Variants in EARS2 observed in about 807,000 individuals in gnomAD.
EARS2 encodes glutamyl-tRNA synthetase 2, mitochondrial.
In EARS2, 50 loss-of-function variants were observed where a neutral mutation model predicts 54.1. That is an observed-to-expected ratio of 0.92 (90% CI 0.74 to 1.17). EARS2 has a LOEUF of 1.17. Ranked by LOEUF, EARS2 falls within the 50% of genes most tolerant of loss-of-function variation. The probability of loss-of-function intolerance (pLI) is 0.00; values close to 1 mark genes in which losing one functional copy is unlikely to be tolerated. For synonymous variants in EARS2, 298 were observed against 281.0 expected (o/e 1.06, Z -0.61); for missense variants, 673 against 675.0 (o/e 1.00, Z 0.03).
chr16:23,553,682 G>A (rs1383554698), intron 1 of EARS2, among the ~76,000 whole-genome samples: 3 of 151,930 alleles, frequency 2.0e-5, no homozygotes, highest in African/African-American at 7.3e-5. Context: ...ACAAAGTCAG[G>A]AGTTTGAGGC....
At chr16:23,546,311 A>C (rs1353802603) in intron 2 of EARS2, 5 of 439,564 alleles carry the variant, frequency 1.1e-5, no homozygotes, top group African/African-American at 2.0e-5. Flanking sequence ...TGGGAAGATA[A>C]GGACATTGTT....
At chr16:23,550,530 C>T (rs1034268266) in intron 2 of EARS2, among the ~76,000 whole-genome samples, 4 of 149,890 alleles carry the variant, frequency 2.7e-5, no homozygotes, top group Admixed American at 2.0e-4. Context: ...CTCCGCCTTC[C>T]GGGTTCACGC....
Position 23,529,744 on chromosome 16 carries a change from C to G in EARS2, c.1221G>C (p.Gln407His). 6.2e-7 allele frequency: 1 copy of G among 1,614,188 alleles called. No homozygotes were observed. The highest frequency in any genetic ancestry group is 8.5e-7 in the Non-Finnish European group (1 of 1,180,032). The change falls in exon 6 of 9, where the codon CAG (glutamine) becomes CAC (histidine). Residue 407 changes from glutamine (Q) to histidine (H), a missense_variant and splice_region_variant. Physicochemically the swap from Gln to His is conservative, Grantham distance 24 (BLOSUM62 0). Around this residue, in one of 3 missense-constraint regions of EARS2, gnomAD observed 338 missense variants for 361.2 expected, o/e 0.94. Transcript: ENST00000449606. ...GCTTCCCAGAATCCTGACACCACAC[C>G]TGTCTCAGCAGGAGGATCCTCTCCA... ...VYVERILLLR[Q>H]GHICRLQDLV...
chr16:23,554,386 C>A (rs1035245920), intron 1 of EARS2, among the ~76,000 whole-genome samples: 1 of 152,188 alleles, frequency 6.6e-6, no homozygotes, highest in African/African-American at 2.4e-5. Flanking sequence ...CACTGTATTT[C>A]TCTTCATCAG....
Position 23,529,621 on chromosome 16 carries a change from G to C in EARS2, c.1233C>G (p.Cys411Trp), listed in dbSNP as rs961415594. 6.2e-7 allele frequency: 1 copy of C among 1,614,088 alleles called. No homozygotes were observed. The highest frequency in any genetic ancestry group is 8.5e-7 in the Non-Finnish European group (1 of 1,179,966). The change falls in exon 7 of 9, where the codon TGC (cysteine) becomes TGG (tryptophan). Residue 411 changes from cysteine to tryptophan, a missense_variant. Physicochemically the swap from Cys to Trp is radical, Grantham distance 215. Coordinates refer to ENST00000449606, the MANE Select transcript of EARS2 (RefSeq NM_001083614.2). ...RILLLRQGHI[C>W]RLQDLVSPVY... ...CTGGGGACACCAAGTCCTGCAGGCG[G>C]CAAATGTGACCCTGGGGAAGGAGGC... is the stretch of plus-strand genomic sequence containing the variant.
At chr16:23,529,406 G>A in intron 7 of EARS2, 96 bp downstream of exon 7, 2 of 1,488,766 alleles carry the variant, frequency 1.3e-6, no homozygotes, top group East Asian at 2.4e-5. Context: ...GAGTTGTGCT[G>A]GGGCCCCAAC....
intron 3 of EARS2, among the ~76,000 whole-genome samples, chr16:23,542,213 C>T (rs990914691): frequency 2.0e-5 from 3 of 148,554 alleles, no homozygotes; most frequent in Non-Finnish European, 3.0e-5. Context: ...AGGCTGGTCT[C>T]GAACTTCTGA....
Position 23,552,181 on chromosome 16 carries a change from G to A in EARS2, c.263C>T (p.Ala88Val), listed in dbSNP as rs201929423. The A allele has an allele frequency of 5.6e-6, 9 of 1,614,044 alleles. No individual in the cohort carries two copies. Among genetic ancestry groups the A allele is most frequent in the South Asian group, 3.3e-5 (3 of 91,074 alleles). ...CTCCAGCATGTCCTCAATATTCTCC[G>A]CTGCCCCAGGCACAACGCGAGTCTG... ...TDQTRVVPGA[A>V]ENIEDMLEWA... The change falls in exon 2 of 9, where the codon GCG (alanine) becomes GTG (valine). Residue 88 changes from alanine to valine, a missense_variant. By Grantham distance (64) the Ala-to-Val change is moderately conservative. Around this residue, in one of 3 missense-constraint regions of EARS2, gnomAD observed 316 missense variants for 275.2 expected, o/e 1.15. Coordinates refer to ENST00000449606, the MANE Select transcript of EARS2 (RefSeq NM_001083614.2).
chr16:23,530,390 C>T (rs1308590598), intron 5 of EARS2, among the ~76,000 whole-genome samples: 1 of 152,252 alleles, frequency 6.6e-6, no homozygotes, highest in East Asian at 1.9e-4. Context: ...GCCAGGATTA[C>T]AGGTGTGGGC....
rs551104273 is a variant in EARS2 at position 23,530,556 on chromosome 16, G to A, written c.1068-659C>T. Among the ~76,000 whole-genome samples, 6 of 151,740 alleles carry A rather than the reference G, an allele frequency of 4.0e-5. No homozygotes were observed. In the East Asian group the frequency reaches 1.2e-3, roughly 30 times the overall value. On this transcript the variant is annotated intron_variant, in intron 5 of 8. Coordinates refer to ENST00000449606, the MANE Select transcript of EARS2 (RefSeq NM_001083614.2). Reference sequence around the variant, plus strand: ...GCAACCTCCGCTTCCCAGGTCACCTGCCACTCAGTCCTGCTGGACCTGGAG... The same window carrying A: ...GCAACCTCCGCTTCCCAGGTCACCTACCACTCAGTCCTGCTGGACCTGGAG...
Position 23,525,393 on chromosome 16 carries a change from G to A in EARS2, c.1353-14C>T, listed in dbSNP as rs1965209473. The A allele has an allele frequency of 6.2e-7, 1 of 1,609,210 alleles. No homozygotes were observed. The highest frequency in any genetic ancestry group is 1.1e-5 in the South Asian group (1 of 90,354). On this transcript the variant is annotated splice_polypyrimidine_tract_variant and intron_variant, in intron 7 of 8. Coordinates refer to ENST00000449606, the MANE Select transcript of EARS2 (RefSeq NM_001083614.2). The stretch of plus-strand genomic sequence containing the variant: ...CTTTCTAGAAGCCTAGAAGAAGAGG[G>A]CCAGTTTACAGGGCCTGCATGGGCC...
chr16:23,527,858 T>C (rs992100213), intron 7 of EARS2, among the ~76,000 whole-genome samples: 2 of 152,204 alleles, frequency 1.3e-5, no homozygotes, highest in Admixed American at 6.5e-5. Context: ...CAGCAAAGGA[T>C]GATCGTTCTT....
chr16:23,527,528 A>G (rs939612082), intron 7 of EARS2, among the ~76,000 whole-genome samples: 1 of 150,754 alleles, frequency 6.6e-6, no homozygotes, highest in African/African-American at 2.4e-5. Context: ...ATGAGTTTCA[A>G]TTTCAGACAA....
At chr16:23,527,464 A>C (rs533488364) in intron 7 of EARS2, among the ~76,000 whole-genome samples, 3 of 152,252 alleles carry the variant, frequency 2.0e-5, no homozygotes, top group African/African-American at 7.2e-5. Context: ...TGATTTGAAG[A>C]AGCAGCCTTT....
chr16:23,529,476 C>T (rs1386932422), intron 7 of EARS2, 26 bp downstream of exon 7: 1 of 1,609,282 alleles, frequency 6.2e-7, no homozygotes, highest in South Asian at 1.1e-5. Context: ...GGTGTGGAAC[C>T]CTGAGCTCAG....
intron 3 of EARS2, among the ~76,000 whole-genome samples, chr16:23,536,691 T>TC (rs1256382379): frequency 1.4e-5 from 2 of 148,090 alleles, no homozygotes; most frequent in African/African-American, 4.9e-5. Context: ...TCTTTTTTTT[T>TC]TTTTTTTTTG....
rs544771618 is a variant in EARS2, at chr16:23,532,816, TC to T, written c.959-52del. 79 of 1,306,790 alleles carry T rather than the reference TC, an allele frequency of 6.0e-5. 2 individuals are homozygous for T. In the South Asian group the frequency reaches 9.5e-4, roughly 16 times the overall value. The allele number at this position is 1,306,790 out of a possible 1,614,324, so 80.9% of individuals were successfully genotyped here. On this transcript the variant is annotated intron_variant, in intron 4 of 8. Transcript: ENST00000449606. ...TCAGCTTCCTCTCTCCCTTCCTCCT[TC>T]CACTTTATCTCTTTTTTTTAAGAGA... is the stretch of plus-strand genomic sequence containing the variant.
At chr16:23,552,610 C>A (rs1290509336) in intron 1 of EARS2, among the ~76,000 whole-genome samples, 1 of 152,230 alleles carries the variant, frequency 6.6e-6, no homozygotes, top group Non-Finnish European at 1.5e-5. Context: ...CATGCCCAGC[C>A]TCCCGAGTAG....
intron 7 of EARS2, among the ~76,000 whole-genome samples, chr16:23,526,277 T>A (rs1164535244): frequency 6.6e-6 from 1 of 151,832 alleles, no homozygotes; most frequent in Non-Finnish European, 1.5e-5. Flanking sequence ...CACGCCCAGC[T>A]AATTTTGTAT....
Sources: allele counts gnomAD v4.1 joint callset (sites outside exome capture counted in the v4.1 genomes callset), GRCh38; gene constraint gnomAD v4.1.1; regional missense constraint gnomAD v4.1.1; transcripts MANE v1.5; gene names NCBI Gene and HGNC (gene_info 2026-07-23, HGNC 2026-07-21).